The following BIRC6 variants were observed in gnomAD, a reference collection of about 807,000 sequenced individuals.
BIRC6 encodes dual E2 ubiquitin-conjugating enzyme/E3 ubiquitin-protein ligase BIRC6.
BIRC6 carries 98 observed loss-of-function variants against 503.3 expected under a neutral mutation model. The observed-to-expected ratio is 0.19, with a 90% confidence interval of 0.17 to 0.23. The LOEUF is 0.23. BIRC6 is among the 10% of genes least tolerant of loss of function. The pLI is 1.00. For synonymous variants in BIRC6, 2,240 were observed against 2,078.7 expected, an observed-to-expected ratio of 1.08 and a Z score of -2.11; for missense variants, 5,360 against 5,806.0, an observed-to-expected ratio of 0.92 and a Z score of 2.50.
At chr2:32,404,942 G>A (rs1460857930) in intron 8 of BIRC6, among the ~76,000 whole-genome samples, 1 of 152,140 alleles carries the variant, frequency 6.6e-6, no homozygotes, top group Non-Finnish European at 1.5e-5. Flanking sequence ...GATTACAGGT[G>A]TGAGTCACTG....
chr2:32,447,483 T>TC (rs1321701230), intron 21 of BIRC6, among the ~76,000 whole-genome samples: 1 of 71,144 alleles, frequency 1.4e-5, no homozygotes, highest in Non-Finnish European at 2.7e-5. Flanking sequence ...GGGGGGCTGA[T>TC]CCCCCCACCT....
At chr2:32,583,461 ATAAC>A (rs1239031050) in intron 66 of BIRC6, among the ~76,000 whole-genome samples, 3 of 152,238 alleles carry the variant, frequency 2.0e-5, no homozygotes, top group African/African-American at 7.2e-5. Flanking sequence ...TGGTTTACTA[ATAAC>A]CAGAATTTGA....
chr2:32,586,647 G>C (rs1236654311), intron 66 of BIRC6, among the ~76,000 whole-genome samples: 1 of 151,786 alleles, frequency 6.6e-6, no homozygotes, highest in East Asian at 1.9e-4. Context: ...TTGAACTCCT[G>C]AGCTCAAGCA....
At chr2:32,433,888 G>A (rs114713161) in intron 13 of BIRC6, 84 bp downstream of exon 13, 12,421 of 1,199,534 alleles carry the variant, frequency 0.01, 88 homozygotes, top group Non-Finnish European at 0.013. Context: ...GCTAAGTTTC[G>A]TGTCCCTTTC....
intron 23 of BIRC6, 41 bp downstream of exon 23, chr2:32,453,983 A>G (rs202236297): frequency 1.4e-6 from 2 of 1,474,814 alleles, no homozygotes; most frequent in East Asian, 2.3e-5. Flanking sequence ...TATATACTTT[A>G]TGCAGTAATA....
intron 40 of BIRC6, 51 bp from the exon 41 acceptor site, chr2:32,487,596 C>A: frequency 6.5e-7 from 1 of 1,527,814 alleles, no homozygotes; most frequent in Non-Finnish European, 9.0e-7. Flanking sequence ...AACCAGTTAA[C>A]ACATATCCTG....
chr2:32,510,022 T>G (rs2054232139), intron 52 of BIRC6, 28 bp downstream of exon 52: 1 of 1,607,574 alleles, frequency 6.2e-7, no homozygotes. Context: ...TATTTAAATG[T>G]TTACATATCT....
intron 26 of BIRC6, 85 bp downstream of exon 26, chr2:32,465,249 ATT>A (rs11353879): frequency 0.11 from 28,143 of 266,254 alleles, 87 homozygotes; most frequent in African/African-American, 0.14. Flanking sequence ...CTTCAGTTCG[ATT>A]TTTTTTTTTT....
At chr2:32,448,985 C>A (rs920876145) in intron 22 of BIRC6, 57 bp downstream of exon 22, 592 of 1,512,996 alleles carry the variant, frequency 3.9e-4, no homozygotes, top group Non-Finnish European at 5.0e-4. Context: ...ATTTAAGTTG[C>A]CATTTGACTT....
In BIRC6 at chr2:32,554,109, A is replaced by T. The variant is rs1475706211; in HGVS notation, c.13144+4628A>T. On this transcript the variant is annotated intron_variant, in intron 65 of 73. Coordinates refer to ENST00000421745, the MANE Select transcript of BIRC6 (RefSeq NM_016252.4). ...TTCACATGTTAATGTTAACAGGCAG[A>T]ATGTTACTTTAGAGACCCTCACCTA... Among the ~76,000 whole-genome samples, 9 of 152,318 alleles carry T rather than the reference A, an allele frequency of 5.9e-5. No individual in the cohort carries two copies. The East Asian group carries it at 1.7e-3, about 29-fold the overall frequency.
At chr2:32,396,343 G>A (rs535463890) in intron 6 of BIRC6, among the ~76,000 whole-genome samples, 31 of 152,150 alleles carry the variant, frequency 2.0e-4, no homozygotes, top group Non-Finnish European at 3.2e-4. Flanking sequence ...AGGGCATATG[G>A]CTAGTGATAG....
At position 32,500,034 on chromosome 2, in the gene BIRC6, G is replaced by T. The variant is rs779601885; in HGVS notation, c.8956G>T (p.Ala2986Ser). 1.2e-6 allele frequency: 2 copies of T among 1,613,942 alleles called. No homozygotes were observed. Among genetic ancestry groups the T allele is most frequent in the Non-Finnish European group, 1.7e-6 (2 of 1,179,882 alleles). The change falls in exon 46 of 74, where the codon GCC becomes TCC. Residue 2986 changes from alanine (A) to serine (S), a missense_variant. Physicochemically the swap from Ala to Ser is moderately conservative, Grantham distance 99. Transcript: ENST00000421745. ...TGCATATGTTGCTGACTTAGTCTTA[G>T]CCAACCAACAAATTATGAGCCAGAT... ...SPAYVADLVL[A>S]NQQIMSQILS...
intron 1 of BIRC6, among the ~76,000 whole-genome samples, chr2:32,377,211 A>ATGTGTGTGTGTG (rs1288542523): frequency 3.6e-5 from 5 of 138,218 alleles, no homozygotes; most frequent in African/African-American, 1.4e-4. Context: ...CCCTTAATAT[A>ATGTGTGTGTGTG]TATGTGTGTG....
intron 61 of BIRC6, among the ~76,000 whole-genome samples, chr2:32,542,240 T>A (rs796619170): frequency 5.9e-5 from 9 of 152,114 alleles, no homozygotes; most frequent in Admixed American, 3.3e-4. Flanking sequence ...ATTGTCATTT[T>A]AAAAATTTTC....
chr2:32,449,607 G>C (rs944603610), intron 22 of BIRC6, among the ~76,000 whole-genome samples: 1 of 152,050 alleles, frequency 6.6e-6, no homozygotes, highest in Non-Finnish European at 1.5e-5. Context: ...ACAGATTAAG[G>C]TAATAACCAG....
At chr2:32,507,436 G>GAAAAC (rs931193541) in intron 50 of BIRC6, among the ~76,000 whole-genome samples, 3 of 151,742 alleles carry the variant, frequency 2.0e-5, no homozygotes, top group Non-Finnish European at 2.9e-5. Context: ...TCTATCTCAG[G>GAAAAC]AAAACAAAAC....
intron 66 of BIRC6, among the ~76,000 whole-genome samples, chr2:32,579,066 A>T (rs995160621): frequency 4.9e-5 from 7 of 142,030 alleles, no homozygotes; most frequent in Admixed American, 4.3e-4. Context: ...ATGTATACCT[A>T]ATATATATAT....
chr2:32,540,577 C>T (rs1273416551), intron 61 of BIRC6, among the ~76,000 whole-genome samples: 1 of 151,986 alleles, frequency 6.6e-6, no homozygotes, highest in Non-Finnish European at 1.5e-5. Context: ...TGAAATAATA[C>T]AAGTGAATAT....
intron 57 of BIRC6, chr2:32,523,131 A>T (rs1403024435): frequency 5.3e-5 from 8 of 152,184 alleles, no homozygotes; most frequent in Admixed American, 5.2e-4. Context: ...GATGAACCTG[A>T]TCCTTATAAT....
Sources: gnomAD v4.1 joint callset for allele counts (sites outside exome capture counted in the v4.1 genomes callset) on GRCh38, gnomAD v4.1.1 for gene constraint, MANE v1.5 for transcripts, NCBI Gene and HGNC (gene_info 2026-07-23, HGNC 2026-07-21) for gene names.